Variants in FAM178B observed in about 807,000 individuals in gnomAD.
FAM178B encodes protein FAM178B.
FAM178B carries 82 observed loss-of-function variants against 91.7 expected under a neutral mutation model. That is an observed-to-expected ratio of 0.89 (90% CI 0.75 to 1.07). The LOEUF (loss-of-function observed/expected upper bound fraction) is 1.07. FAM178B is among the 50% of genes least tolerant of loss of function. The pLI is 0.00. For synonymous variants in FAM178B, 368 were observed against 359.4 expected (o/e 1.02, Z -0.27); for missense variants, 769 against 846.7 (o/e 0.91, Z 1.14).
intron 12 of FAM178B, among the ~76,000 whole-genome samples, chr2:96,907,777 T>A (rs888680348): frequency 6.6e-6 from 1 of 152,220 alleles, no homozygotes; most frequent in Non-Finnish European, 1.5e-5. Context: ...GCTGCTGGGA[T>A]GTCGGGCAGT....
chr2:96,936,708 G>T (rs1574274738), intron 8 of FAM178B, among the ~76,000 whole-genome samples: 1 of 151,590 alleles, frequency 6.6e-6, no homozygotes, highest in East Asian at 1.9e-4. Context: ...ACGGGGTTTT[G>T]CCATGTTGGC....
intron 9 of FAM178B, among the ~76,000 whole-genome samples, chr2:96,925,092 G>A (rs1274521282): frequency 6.6e-6 from 1 of 152,096 alleles, no homozygotes; most frequent in Non-Finnish European, 1.5e-5. Context: ...GCGCAGGCTG[G>A]GCCTGCGCCA....
At chr2:96,935,490 C>T (rs1046638450) in intron 8 of FAM178B, among the ~76,000 whole-genome samples, 2 of 152,054 alleles carry the variant, frequency 1.3e-5, no homozygotes, top group African/African-American at 2.4e-5. Context: ...TCCCTCAGCA[C>T]GACTCAGGAA....
intron 8 of FAM178B, among the ~76,000 whole-genome samples, chr2:96,936,654 C>T (rs1322798260): frequency 2.0e-5 from 3 of 152,028 alleles, no homozygotes; most frequent in Admixed American, 6.6e-5. Flanking sequence ...GGATTACCAG[C>T]GCCTGCCACC....
intron 12 of FAM178B, among the ~76,000 whole-genome samples, chr2:96,913,055 T>C (rs971913866): frequency 1.3e-5 from 2 of 152,198 alleles, no homozygotes; most frequent in South Asian, 2.1e-4. Context: ...CGCATTTATT[T>C]GCTGCAGAGA....
At chr2:96,911,606 C>A (rs6717064) in intron 12 of FAM178B, among the ~76,000 whole-genome samples, 26,794 of 152,178 alleles carry the variant, frequency 0.18, 2,998 homozygotes, top group African/African-American at 0.31. Context: ...ATCTGAAGGA[C>A]GGTCACACTC....
At chr2:96,972,852 C>A (rs1457544526) in intron 1 of FAM178B, among the ~76,000 whole-genome samples, 1 of 151,988 alleles carries the variant, frequency 6.6e-6, no homozygotes, top group East Asian at 2.0e-4. Context: ...GAGTCTCACT[C>A]TCTCGCCCAG....
rs116596516 is a variant in FAM178B, at chr2:96,952,621, T to C, written c.888-1137A>G. 1.1e-3 allele frequency among the ~76,000 whole-genome samples: 163 copies of C among 152,292 alleles called. 2 individuals are homozygous for C. The highest frequency in any genetic ancestry group is 3.7e-3 in the African/African-American group (155 of 41,560). On this transcript the variant is annotated intron_variant, in intron 6 of 16. Coordinates refer to ENST00000490605, the MANE Select transcript of FAM178B (RefSeq NM_001122646.3). The stretch of plus-strand genomic sequence containing the variant: ...TTTCATATGGTTGTAGGGCCTCTGG[T>C]AGAAGGTGCTTCAGAAGTCATTTTA...
At chr2:96,973,220 A>C (rs63692060) in intron 1 of FAM178B, among the ~76,000 whole-genome samples, 1 of 136,392 alleles carries the variant, frequency 7.3e-6, no homozygotes, top group Non-Finnish European at 1.6e-5. Flanking sequence ...AAAAAAAAAA[A>C]CCAAAACCAA....
At chr2:96,954,100 G>A (rs1049653587) in intron 6 of FAM178B, among the ~76,000 whole-genome samples, 3 of 152,206 alleles carry the variant, frequency 2.0e-5, no homozygotes, top group Non-Finnish European at 2.9e-5. Flanking sequence ...GCTGAGGTCC[G>A]AAGTTATCCT....
chr2:96,905,158 C>G, intron 12 of FAM178B, among the ~76,000 whole-genome samples: 1 of 152,074 alleles, frequency 6.6e-6, no homozygotes, highest in Non-Finnish European at 1.5e-5. Flanking sequence ...ATTTCTTGAC[C>G]TGGGTGCTGG....
At position 96,893,945 on chromosome 2, in the gene FAM178B, CT is replaced by C; in HGVS notation, c.1756del (p.Ser586ValfsTer4). 6.2e-7 allele frequency: 1 copy of C among 1,612,822 alleles called. No individual in the cohort carries two copies. Among genetic ancestry groups the C allele is most frequent in the Non-Finnish European group, 8.5e-7 (1 of 1,179,610 alleles). On this transcript the variant is annotated frameshift_variant, in exon 14 of 17. Transcript: ENST00000490605. LOFTEE classifies it high-confidence loss of function. ...PPCQEQQPKA[S>X]AELDHKACYL... is the part of the protein sequence containing the mutation. The stretch of plus-strand genomic sequence containing the variant: ...ACTCACCTTGTGGTCTAGCTCGGCA[CT>C]AGCCTTTGGCTGTTGCTCCTGGCAG...
chr2:96,878,573 C>T, intron 14 of FAM178B, 80 bp from the exon 15 acceptor site: 1 of 1,344,332 alleles, frequency 7.4e-7, no homozygotes, highest in South Asian at 1.2e-5. Flanking sequence ...GCACACTCCC[C>T]ACTCTCAGGC....
chr2:96,898,089 C>T lies in FAM178B; in HGVS notation c.1651-4038G>A, dbSNP rs181656521. 4.8e-5 allele frequency: 47 copies of T among 985,776 alleles called. No individual in the cohort carries two copies. In the African/African-American group the frequency reaches 7.3e-4, roughly 15 times the overall value. The allele number at this position is 985,776 out of a possible 1,614,324, so 61.1% of individuals were successfully genotyped here. A position where few individuals can be genotyped will look rare whatever the true frequency, so the allele number is the denominator to read the frequency against. On this transcript the variant is annotated intron_variant, in intron 13 of 16. Transcript: ENST00000490605. ...TGCAAATTGCTGTGCCCAGATCCAG[C>T]CCCAGGTCCTCTGCTCCTACACCAG...
At chr2:96,976,780 G>T (rs1219523287) in intron 1 of FAM178B, among the ~76,000 whole-genome samples, 1 of 151,554 alleles carries the variant, frequency 6.6e-6, no homozygotes, top group African/African-American at 2.4e-5. Context: ...CCTGGGAGGC[G>T]GAGGTTGTAG....
intron 2 of FAM178B, 23 bp from the exon 3 acceptor site, chr2:96,972,345 T>C (rs2082233956): frequency 4.1e-6 from 6 of 1,467,300 alleles, no homozygotes; most frequent in Middle Eastern, 2.1e-4. Context: ...CAGAATACTG[T>C]GGTCCCTCTG....
intron 1 of FAM178B, among the ~76,000 whole-genome samples, chr2:96,974,657 T>C (rs999050646): frequency 1.3e-5 from 2 of 152,132 alleles, no homozygotes; most frequent in African/African-American, 4.8e-5. Flanking sequence ...AATGCAAGTA[T>C]GCAAAAAGAT....
intron 5 of FAM178B, among the ~76,000 whole-genome samples, chr2:96,960,916 T>C (rs528796465): frequency 1.1e-4 from 16 of 152,138 alleles, no homozygotes; most frequent in African/African-American, 3.9e-4. Flanking sequence ...GCAGGAAGGC[T>C]GGCAAGCAGG....
chr2:96,952,269 G>C (rs899555724), intron 6 of FAM178B, among the ~76,000 whole-genome samples: 1 of 152,198 alleles, frequency 6.6e-6, no homozygotes, highest in Admixed American at 6.5e-5. Flanking sequence ...GGACACCTGA[G>C]AAGACCGGAA....
Sources: allele counts gnomAD v4.1 joint callset (sites outside exome capture counted in the v4.1 genomes callset), GRCh38; gene constraint gnomAD v4.1.1; transcripts MANE v1.5; gene names NCBI Gene and HGNC (gene_info 2026-07-23, HGNC 2026-07-21).